The following SLC38A1 variants were observed in gnomAD, a reference collection of about 807,000 sequenced individuals.
The protein encoded by SLC38A1 is sodium-coupled neutral amino acid symporter 1.
Under a neutral mutation model 60.3 loss-of-function variants are expected in SLC38A1, and 18 were observed. The ratio of observed to expected loss-of-function variants is 0.30; its 90% CI spans 0.21 to 0.44. The LOEUF (loss-of-function observed/expected upper bound fraction) is 0.44, where lower values mean the gene tolerates loss of function less well. SLC38A1 is among the 20% of genes least tolerant of loss of function. The pLI, the probability that SLC38A1 is intolerant of heterozygous loss-of-function variation, is 1.00. For missense variants in SLC38A1, 448 were observed against 587.2 expected, an observed-to-expected ratio of 0.76 and a Z score of 2.45; for synonymous variants, 196 against 212.1, an observed-to-expected ratio of 0.92 and a Z score of 0.66.
At chr12:46,223,690 G>T (rs1940752504) in intron 5 of SLC38A1, among the ~76,000 whole-genome samples, 1 of 152,122 alleles carries the variant, frequency 6.6e-6, no homozygotes, top group African/African-American at 2.4e-5. Context: ...TACACACATT[G>T]TACTTTTGTT....
At chr12:46,236,659 G>A (rs778016056) in intron 3 of SLC38A1, among the ~76,000 whole-genome samples, 6 of 152,158 alleles carry the variant, frequency 3.9e-5, no homozygotes, top group Non-Finnish European at 8.8e-5. Context: ...ACCCTGCCTA[G>A]ACACTAGGAT....
At chr12:46,240,340 G>A (rs1941403852) in intron 2 of SLC38A1, among the ~76,000 whole-genome samples, 1 of 152,174 alleles carries the variant, frequency 6.6e-6, no homozygotes, top group Admixed American at 6.5e-5. Flanking sequence ...GTGATTACAG[G>A]CATGCGCCAC....
chr12:46,198,839 G>A, intron 13 of SLC38A1, 96 bp from the exon 14 acceptor site: 4 of 732,678 alleles, frequency 5.5e-6, no homozygotes, highest in East Asian at 2.6e-5. Flanking sequence ...TAAACTAAAG[G>A]GCAAGAAAAG....
chr12:46,261,200 A>T (rs1942186012), intron 1 of SLC38A1, among the ~76,000 whole-genome samples: 1 of 152,180 alleles, frequency 6.6e-6, no homozygotes, highest in South Asian at 2.1e-4. Flanking sequence ...AATTCAAGCC[A>T]ACTCTTCTGT....
chr12:46,195,964 G>C (rs1193512447), intron 16 of SLC38A1: 11 of 541,688 alleles, frequency 2.0e-5, no homozygotes, highest in Non-Finnish European at 2.9e-5. Flanking sequence ...TGCACCCACT[G>C]TCCAACCAGT....
Position 46,239,394 on chromosome 12 carries a change from G to A in SLC38A1, c.122+285C>T, listed in dbSNP as rs192446445. The A allele has an allele frequency of 1.4e-3, 286 of 204,636 alleles. 2 individuals are homozygous for A. The highest frequency in any genetic ancestry group is 4.5e-4 in the Non-Finnish European group (45 of 100,190). 12.7% of individuals were successfully genotyped at this position (204,636 alleles called of 1,614,324 possible). ...GGCTGTAGTGCAGTGGCATGATCTC[G>A]GCTCACTGCAACCTCCGCCTCTCAG... On this transcript the variant is annotated intron_variant, in intron 3 of 16. Transcript: ENST00000398637.
At chr12:46,226,391 G>GT in intron 5 of SLC38A1, among the ~76,000 whole-genome samples, 1 of 151,838 alleles carries the variant, frequency 6.6e-6, no homozygotes, top group East Asian at 1.9e-4. Context: ...CATTCTTAGA[G>GT]TTTTTAAGCT....
chr12:46,249,694 G>A (rs935148508), intron 1 of SLC38A1, among the ~76,000 whole-genome samples: 1 of 152,186 alleles, frequency 6.6e-6, no homozygotes, highest in Non-Finnish European at 1.5e-5. Context: ...TACCATCAGA[G>A]AATACTATAA....
chr12:46,236,850 T>A (rs1941277679), intron 3 of SLC38A1, among the ~76,000 whole-genome samples: 1 of 152,148 alleles, frequency 6.6e-6, no homozygotes, highest in Non-Finnish European at 1.5e-5. Context: ...AGAATCAGAA[T>A]CTGCATTTAA....
Position 46,243,793 on chromosome 12 carries a change from A to G in SLC38A1, c.-208-479T>C, listed in dbSNP as rs564633535. On this transcript the variant is annotated intron_variant, in intron 1 of 16. Coordinates refer to ENST00000398637, the MANE Select transcript of SLC38A1 (RefSeq NM_030674.4). ...CTGTCAACATTTATAATAGGTTACGAATTACAATTTATTTAGCACAGAACA... is the reference window on the plus strand; with the variant it reads ...CTGTCAACATTTATAATAGGTTACGGATTACAATTTATTTAGCACAGAACA... Among the ~76,000 whole-genome samples, 6 of 152,372 alleles carry G rather than the reference A, an allele frequency of 3.9e-5. No homozygotes were observed. The South Asian group carries it at 1.2e-3, about 32-fold the overall frequency.
chr12:46,206,731 AG>A lies in SLC38A1; in HGVS notation c.563+423del, dbSNP rs1386517311. Among the ~76,000 whole-genome samples, 28 of 152,322 alleles carry A rather than the reference AG, an allele frequency of 1.8e-4. No individual in the cohort carries two copies. The East Asian group carries it at 4.6e-3, about 25-fold the overall frequency. On this transcript the variant is annotated intron_variant, in intron 8 of 16. Transcript: ENST00000398637. ...GCCAAATGTAGCTGCAACATTTTCCAGGGTTATCTACATCTTTAATGAGGTT... is the reference window on the plus strand; with the variant it reads ...GCCAAATGTAGCTGCAACATTTTCCAGGTTATCTACATCTTTAATGAGGTT...
chr12:46,185,284 G>T lies in SLC38A1; in HGVS notation c.*3686C>A, dbSNP rs1938896162. ...AGGGGCCACACTTTGAGAACCACTG[G>T]CTTAGAGGCATGAATCAAGCTCTAG... is the stretch of plus-strand genomic sequence containing the variant. On this transcript the variant is annotated 3_prime_UTR_variant, in exon 17 of 17. Coordinates refer to ENST00000398637, the MANE Select transcript of SLC38A1 (RefSeq NM_030674.4). 6.6e-6 allele frequency: 1 copy of T among 151,720 alleles called. No individual in the cohort carries two copies. Among genetic ancestry groups the T allele is most frequent in the African/African-American group, 2.4e-5 (1 of 40,966 alleles). 9.4% of individuals were successfully genotyped at this position (151,720 alleles called of 1,614,324 possible). A position where few individuals can be genotyped will look rare whatever the true frequency, so the allele number is the denominator to read the frequency against.
chr12:46,261,666 G>A (rs370095575), intron 1 of SLC38A1, among the ~76,000 whole-genome samples: 55 of 152,272 alleles, frequency 3.6e-4, no homozygotes, highest in Middle Eastern at 3.4e-3. Flanking sequence ...TGATCTGGGC[G>A]TGTGGGATTT....
intron 16 of SLC38A1, among the ~76,000 whole-genome samples, chr12:46,194,303 G>A (rs1939272292): frequency 6.6e-6 from 1 of 152,182 alleles, no homozygotes; most frequent in African/African-American, 2.4e-5. Flanking sequence ...AGAGAGATCG[G>A]CTGTTAGTCT....
At chr12:46,208,741 T>C (rs2137248564) in intron 6 of SLC38A1, among the ~76,000 whole-genome samples, 1 of 152,326 alleles carries the variant, frequency 6.6e-6, no homozygotes, top group South Asian at 2.1e-4. Context: ...ATCTTTGTTC[T>C]GGATTTATAA....
At chr12:46,226,803 G>A (rs560508102) in intron 5 of SLC38A1, among the ~76,000 whole-genome samples, 3 of 151,996 alleles carry the variant, frequency 2.0e-5, no homozygotes, top group Non-Finnish European at 2.9e-5. Flanking sequence ...TTTCAGTAGA[G>A]ACGGGGTTTC....
chr12:46,244,753 C>A (rs1373778798), intron 1 of SLC38A1, among the ~76,000 whole-genome samples: 1 of 152,234 alleles, frequency 6.6e-6, no homozygotes, highest in Non-Finnish European at 1.5e-5. Flanking sequence ...CAGCCTAGGG[C>A]CTGCACTGCC....
chr12:46,256,541 G>A (rs1229512873), intron 1 of SLC38A1, among the ~76,000 whole-genome samples: 5 of 151,900 alleles, frequency 3.3e-5, no homozygotes, highest in African/African-American at 1.2e-4. Flanking sequence ...GTACTGCCAC[G>A]TGGTTGCAAG....
rs140093034 is a variant in SLC38A1, at chr12:46,243,068, GTTAT to G, written c.-94+128_-94+131del. ...GAAGTGATTATTCTAAAAAATATTAGTTATTTATTAATAAATACTAATTTATTAA... is the reference window on the plus strand; with the variant it reads ...GAAGTGATTATTCTAAAAAATATTAGTTATTAATAAATACTAATTTATTAA... On this transcript the variant is annotated intron_variant, in intron 2 of 16. Coordinates refer to ENST00000398637, the MANE Select transcript of SLC38A1 (RefSeq NM_030674.4). 408 of 142,274 alleles carry G rather than the reference GTTAT, an allele frequency of 2.9e-3. 1 individual carries two copies. Among genetic ancestry groups the G allele is most frequent in the African/African-American group, 9.6e-3 (389 of 40,704 alleles). The allele number at this position is 142,274 out of a possible 1,614,324, so 8.8% of individuals were successfully genotyped here.
Sources: allele counts gnomAD v4.1 joint callset (sites outside exome capture counted in the v4.1 genomes callset), GRCh38; gene constraint gnomAD v4.1.1; transcripts MANE v1.5; gene names NCBI Gene and HGNC (gene_info 2026-07-23, HGNC 2026-07-21).